The following CXADR variants were observed in gnomAD, a reference collection of about 807,000 sequenced individuals.
CXADR encodes the protein coxsackievirus and adenovirus receptor.
CXADR carries 20 observed loss-of-function variants against 40.3 expected under a neutral mutation model. The ratio of observed to expected loss-of-function variants is 0.50; its 90% CI spans 0.35 to 0.72. The LOEUF (loss-of-function observed/expected upper bound fraction) is 0.72, where lower values mean the gene tolerates loss of function less well. Ranked by LOEUF, CXADR falls within the 30% of genes least tolerant of loss-of-function variation. The pLI is 0.01. For synonymous variants in CXADR, 150 were observed against 161.3 expected (o/e 0.93, Z 0.53); for missense variants, 332 against 449.1 (o/e 0.74, Z 2.36).
chr21:17,531,940 T>TC (rs972113576), intron 1 of CXADR, among the ~76,000 whole-genome samples: 2 of 150,836 alleles, frequency 1.3e-5, no homozygotes, highest in Non-Finnish European at 3.0e-5. Flanking sequence ...TTTTTGGGTT[T>TC]TTTTTTTTTT....
the CXADR span, chr21:17,608,965 C>G: frequency 6.2e-7 from 1 of 1,610,788 alleles, no homozygotes. Context: ...CCAATCTAAT[C>G]CTTTACCTGT....
chr21:17,559,542 A>G (rs966505446), intron 4 of CXADR, among the ~76,000 whole-genome samples: 1 of 152,076 alleles, frequency 6.6e-6, no homozygotes, highest in African/African-American at 2.4e-5. Context: ...TACATAGAAT[A>G]ATCAGGATTT....
At chr21:17,513,267 C>T (rs923403774) in intron 1 of CXADR, 95 bp downstream of exon 1, 2 of 1,192,030 alleles carry the variant, frequency 1.7e-6, no homozygotes, top group African/African-American at 1.6e-5. Context: ...GGGGAGGGGG[C>T]GGGCGCGATT....
At position 17,541,324 on chromosome 21, in the gene CXADR, G is replaced by A. The variant is rs1198570566; in HGVS notation, c.44-5703G>A. 2.6e-5 allele frequency among the ~76,000 whole-genome samples: 4 copies of A among 152,018 alleles called. No homozygotes were observed. In the East Asian group the frequency reaches 5.8e-4, roughly 22 times the overall value. On this transcript the variant is annotated intron_variant, in intron 1 of 6. Transcript: ENST00000284878. ...TCCCAGCACTTTGGGAGGCCGAGGC[G>A]GGCGGATCACGAGGTCAGGAGATCA...
At chr21:17,615,614 C>G in the CXADR span, among the ~76,000 whole-genome samples, 2 of 152,146 alleles carry the variant, frequency 1.3e-5, no homozygotes, top group African/African-American at 4.8e-5. Flanking sequence ...CCACTGGTAA[C>G]TAAAACTGGT....
At chr21:17,596,490 G>T (rs116666516), downstream of CXADR, among the ~76,000 whole-genome samples, 1 of 151,580 alleles carries the variant, frequency 6.6e-6, no homozygotes, top group Non-Finnish European at 1.5e-5. Context: ...AGTTAGGTTC[G>T]TTTTTTTTCC....
At chr21:17,591,842 A>C (rs1262451375) in intron 7 of CXADR, among the ~76,000 whole-genome samples, 1 of 151,994 alleles carries the variant, frequency 6.6e-6, no homozygotes, top group African/African-American at 2.4e-5. Flanking sequence ...AGTCATAATT[A>C]CTACTAAAAA....
chr21:17,544,367 TG>T (rs1349467936), intron 1 of CXADR, among the ~76,000 whole-genome samples: 1 of 152,222 alleles, frequency 6.6e-6, no homozygotes, highest in African/African-American at 2.4e-5. Context: ...ACTTTTGGGC[TG>T]GATCAGTGGG....
intron 1 of CXADR, among the ~76,000 whole-genome samples, chr21:17,516,388 C>T (rs1046602008): frequency 3.9e-5 from 6 of 152,156 alleles, no homozygotes; most frequent in African/African-American, 1.4e-4. Flanking sequence ...ATACTGAAGG[C>T]TTTTATTATT....
the CXADR span, among the ~76,000 whole-genome samples, chr21:17,603,163 A>G: frequency 6.6e-6 from 1 of 152,242 alleles, no homozygotes; most frequent in Non-Finnish European, 1.5e-5. Flanking sequence ...ATTAAAAAGT[A>G]AACAATTCAA....
chr21:17,599,465 C>A, the CXADR span, among the ~76,000 whole-genome samples: 1 of 148,344 alleles, frequency 6.7e-6, no homozygotes, highest in Non-Finnish European at 1.5e-5. Flanking sequence ...CAGGCATGCG[C>A]CACTGGCTGA....
intron 1 of CXADR, among the ~76,000 whole-genome samples, chr21:17,524,422 C>T (rs1443503149): frequency 6.6e-6 from 1 of 151,042 alleles, no homozygotes; most frequent in African/African-American, 2.4e-5. Flanking sequence ...ATCAGCTGGG[C>T]GTGGTGGTGT....
In CXADR at chr21:17,566,938, T is replaced by C. The variant is rs1260147896; in HGVS notation, c.*1246T>C. On this transcript the variant is annotated 3_prime_UTR_variant, in exon 7 of 7. Coordinates refer to ENST00000284878, the MANE Select transcript of CXADR (RefSeq NM_001338.5). ...GTTTGTCTTAGTTTTGTGAAGGTGA[T>C]TTATTCTTAAAAAAAAAAAAGAAAG... The C allele has an allele frequency of 8.8e-6, 8 of 912,276 alleles. No homozygotes were observed. Among genetic ancestry groups the C allele is most frequent in the Non-Finnish European group, 1.0e-5 (8 of 792,494 alleles). The allele number at this position is 912,276 out of a possible 1,614,324, so 56.5% of individuals were successfully genotyped here.
At chr21:17,590,897 TCCAGC>T in intron 7 of CXADR, among the ~76,000 whole-genome samples, 1 of 152,086 alleles carries the variant, frequency 6.6e-6, no homozygotes, top group Non-Finnish European at 1.5e-5. Context: ...AATTTCTATT[TCCAGC>T]AATAAAATTA....
At chr21:17,535,252 T>C (rs1345667046) in intron 1 of CXADR, among the ~76,000 whole-genome samples, 1 of 152,166 alleles carries the variant, frequency 6.6e-6, no homozygotes, top group African/African-American at 2.4e-5. Flanking sequence ...TCAGCCTTCC[T>C]AGTAGCTGGG....
At chr21:17,594,587 A>T (rs1355480808), downstream of CXADR, among the ~76,000 whole-genome samples, 4 of 152,078 alleles carry the variant, frequency 2.6e-5, no homozygotes. Context: ...AACTTCAACC[A>T]AAAAAGACCA....
chr21:17,553,123 A>G (rs1332468509), intron 3 of CXADR, among the ~76,000 whole-genome samples: 2 of 152,114 alleles, frequency 1.3e-5, no homozygotes, highest in Non-Finnish European at 2.9e-5. Flanking sequence ...GTGTTTCACC[A>G]TGTTGGCCAG....
At chr21:17,628,799 G>C in the CXADR span, among the ~76,000 whole-genome samples, 1 of 151,978 alleles carries the variant, frequency 6.6e-6, no homozygotes, top group Admixed American at 6.6e-5. Flanking sequence ...CACCGTGCCC[G>C]GCCAATGTCC....
the CXADR span, chr21:17,608,925 A>C: frequency 6.4e-7 from 1 of 1,569,178 alleles, no homozygotes; most frequent in Non-Finnish European, 8.6e-7. Context: ...CCTTGAACCC[A>C]CCTCAGGGGT....
Sources: allele counts gnomAD v4.1 joint callset (sites outside exome capture counted in the v4.1 genomes callset), GRCh38; gene constraint gnomAD v4.1.1; transcripts MANE v1.5; gene names NCBI Gene and HGNC (gene_info 2026-07-23, HGNC 2026-07-21).